The following MTG2 variants were observed in gnomAD, a reference collection of about 807,000 sequenced individuals.
MTG2 encodes mitochondrial ribosome-associated GTPase 2.
A neutral mutation model predicts 28.6 loss-of-function variants in MTG2; 23 were observed. The ratio of observed to expected loss-of-function variants is 0.80; its 90% CI spans 0.58 to 1.14. The LOEUF is 1.14. Among genes scored for constraint, MTG2 ranks in the 50% most tolerant of loss-of-function variants. MTG2 has a pLI of 0.00. For missense variants in MTG2, 539 were observed against 552.0 expected (o/e 0.98, Z 0.24); for synonymous variants, 260 against 251.8 (o/e 1.03, Z -0.31).
chr20:62,192,214 A>T (rs2057974056), intron 1 of MTG2, among the ~76,000 whole-genome samples: 2 of 152,160 alleles, frequency 1.3e-5, no homozygotes, highest in Non-Finnish European at 2.9e-5. Flanking sequence ...ACTTCTGTCC[A>T]TCTTGGCTAC....
intron 5 of MTG2, 85 bp downstream of exon 5, chr20:62,198,937 G>A (rs1352985288): frequency 6.3e-7 from 1 of 1,576,194 alleles, no homozygotes; most frequent in African/African-American, 1.3e-5. Flanking sequence ...CCAGTGGCCT[G>A]GAAGAGAACA....
intron 3 of MTG2, 41 bp from the exon 4 acceptor site, chr20:62,197,811 G>T (rs766426203): frequency 1.1e-5 from 17 of 1,576,074 alleles, no homozygotes; most frequent in Non-Finnish European, 1.5e-5. Flanking sequence ...GGCCATGGTT[G>T]TCGTAACACA....
intron 1 of MTG2, among the ~76,000 whole-genome samples, chr20:62,186,000 C>A (rs1246320039): frequency 1.3e-5 from 2 of 152,202 alleles, no homozygotes; most frequent in African/African-American, 4.8e-5. Context: ...GTTGGCTTTG[C>A]AACCTTCTCT....
At chr20:62,185,465 A>G (rs1173927142) in intron 1 of MTG2, among the ~76,000 whole-genome samples, 2 of 152,128 alleles carry the variant, frequency 1.3e-5, no homozygotes, top group Non-Finnish European at 2.9e-5. Flanking sequence ...ACATATATAT[A>G]CATGTATATG....
At chr20:62,185,802 A>G (rs2057831432) in intron 1 of MTG2, among the ~76,000 whole-genome samples, 1 of 152,182 alleles carries the variant, frequency 6.6e-6, no homozygotes, top group South Asian at 2.1e-4. Context: ...GCCAGTGGGG[A>G]CTGTGCTGGA....
rs1246779932 is a variant in MTG2 at position 62,183,072 on chromosome 20, G to GGGGAGCC, written c.-6+21_-6+22insCGGGAGC. ...TTCCCGAGCCGGTGAGTGCGGGAGCGGGGAGCGGGGAGCGTGGGCCTGGGG... is the reference window on the plus strand; with the variant it reads ...TTCCCGAGCCGGTGAGTGCGGGAGCGGGGAGCCGGGAGCGGGGAGCGTGGGCCTGGGG... On this transcript the variant is annotated intron_variant, in intron 1 of 6. Coordinates refer to ENST00000370823, the MANE Select transcript of MTG2 (RefSeq NM_015666.4). The GGGGAGCC allele has an allele frequency of 1.4e-4, 22 of 152,146 alleles. No homozygotes were observed. Among genetic ancestry groups the GGGGAGCC allele is most frequent in the African/African-American group, 5.3e-4 (22 of 41,414 alleles). The allele number at this position is 152,146 out of a possible 1,614,324, so 9.4% of individuals were successfully genotyped here. A position where few individuals can be genotyped will look rare whatever the true frequency, so the allele number is the denominator to read the frequency against.
At chr20:62,185,610 C>T (rs2057827472) in intron 1 of MTG2, among the ~76,000 whole-genome samples, 1 of 151,958 alleles carries the variant, frequency 6.6e-6, no homozygotes, top group Non-Finnish European at 1.5e-5. Flanking sequence ...GCACTCCAGC[C>T]TGGGAGTGAG....
intron 1 of MTG2, among the ~76,000 whole-genome samples, chr20:62,190,913 C>T (rs1043399773): frequency 6.6e-6 from 1 of 152,232 alleles, no homozygotes; most frequent in East Asian, 1.9e-4. Flanking sequence ...AGAGGTGGCC[C>T]GGCACGGGAA....
chr20:62,187,447 G>A (rs1471323298), intron 1 of MTG2, among the ~76,000 whole-genome samples: 2 of 152,154 alleles, frequency 1.3e-5, no homozygotes. Context: ...GAATTTACCA[G>A]GAAAACAAGC....
At chr20:62,186,178 C>A (rs2057841582) in intron 1 of MTG2, among the ~76,000 whole-genome samples, 1 of 152,138 alleles carries the variant, frequency 6.6e-6, no homozygotes, top group Non-Finnish European at 1.5e-5. Flanking sequence ...CTGAGCCTTC[C>A]CATCTGATAG....
chr20:62,195,715 A>G, intron 2 of MTG2, 87 bp from the exon 3 acceptor site: 1 of 1,495,726 alleles, frequency 6.7e-7, no homozygotes, highest in South Asian at 1.1e-5. Context: ...TGTTATAGAT[A>G]GAAGATGTAC....
At position 62,193,453 on chromosome 20, in the gene MTG2, G is replaced by C; in HGVS notation, c.33G>C (p.Leu11Phe). 1 of 1,614,202 alleles carries C rather than the reference G, an allele frequency of 6.2e-7. No homozygotes were observed. The highest frequency in any genetic ancestry group is 1.1e-5 in the South Asian group (1 of 91,078). Residue 11 changes from leucine (L) to phenylalanine (F), a missense_variant, in exon 2 of 7, where the codon TTG (leucine) becomes TTC (phenylalanine). Leu to Phe is a conservative substitution (Grantham distance 22). Coordinates refer to ENST00000370823, the MANE Select transcript of MTG2 (RefSeq NM_015666.4). MAPARCFSARLRTVFQGVGHW... is the reference protein window; with the variant it reads MAPARCFSARFRTVFQGVGHW... Reference sequence around the variant, plus strand: ...CTGCAAGGTGTTTCTCAGCAAGATTGAGGACCGTGTTTCAGGGCGTGGGGC... The same window carrying C: ...CTGCAAGGTGTTTCTCAGCAAGATTCAGGACCGTGTTTCAGGGCGTGGGGC...
intron 1 of MTG2, among the ~76,000 whole-genome samples, chr20:62,184,993 C>T (rs2057811358): frequency 6.6e-6 from 1 of 151,328 alleles, no homozygotes; most frequent in Admixed American, 6.6e-5. Context: ...GCATGTAATC[C>T]CAGGTACTCG....
intron 4 of MTG2, chr20:62,198,283 G>A: frequency 3.8e-6 from 2 of 521,696 alleles, no homozygotes; most frequent in Non-Finnish European, 6.9e-6. Context: ...ACCTCTGACT[G>A]AGGGAGGCCA....
chr20:62,184,561 C>G (rs2057801709), intron 1 of MTG2, among the ~76,000 whole-genome samples: 1 of 152,124 alleles, frequency 6.6e-6, no homozygotes, highest in Admixed American at 6.5e-5. Context: ...AGAAGAGTCA[C>G]TGGGGAGGGC....
Position 62,190,778 on chromosome 20 carries a change from G to A in MTG2, c.-5-2638G>A, listed in dbSNP as rs181817299. Among the ~76,000 whole-genome samples the A allele has an allele frequency of 3.6e-3, 548 of 152,368 alleles. 1 individual carries two copies. The highest frequency in any genetic ancestry group is 0.013 in the African/African-American group (521 of 41,590). The stretch of plus-strand genomic sequence containing the variant: ...GCGGCCGCACAGGCACGGCTGCGGG[G>A]GCACTGGGGAGGAAGTCCGCAGGGA... On this transcript the variant is annotated intron_variant, in intron 1 of 6. Coordinates refer to ENST00000370823, the MANE Select transcript of MTG2 (RefSeq NM_015666.4).
chr20:62,183,219 C>A (rs966998266), intron 1 of MTG2, among the ~76,000 whole-genome samples, 162 bp downstream of exon 1: 5 of 152,146 alleles, frequency 3.3e-5, no homozygotes, highest in Admixed American at 6.5e-5. Flanking sequence ...GGGCTGCGAA[C>A]CCCGGCGGGA....
intron 1 of MTG2, among the ~76,000 whole-genome samples, chr20:62,189,293 A>C (rs1462252355): frequency 2.7e-5 from 4 of 150,370 alleles, no homozygotes; most frequent in Non-Finnish European, 5.9e-5. Context: ...TGACAGAGTG[A>C]GACTCTGTCT....
At chr20:62,199,318 G>C in intron 6 of MTG2, 61 bp downstream of exon 6, 1 of 1,560,870 alleles carries the variant, frequency 6.4e-7, no homozygotes, top group East Asian at 2.3e-5. Flanking sequence ...GAAAAGTAAT[G>C]ATGTAACTCT....
Sources: gnomAD v4.1 joint callset for allele counts (sites outside exome capture counted in the v4.1 genomes callset) on GRCh38, gnomAD v4.1.1 for gene constraint, MANE v1.5 for transcripts, NCBI Gene and HGNC (gene_info 2026-07-23, HGNC 2026-07-21) for gene names.